WDR76: variants seen among roughly 807,000 people sequenced by gnomAD.
WDR76 encodes WD repeat domain 76.
In WDR76, 52 loss-of-function variants were observed where a neutral mutation model predicts 70.2. The observed-to-expected ratio is 0.74, with a 90% CI of 0.59 to 0.93. WDR76 has a LOEUF of 0.93. Ranked by LOEUF, WDR76 falls within the 40% of genes least tolerant of loss-of-function variation. The pLI is 0.00. For missense variants in WDR76, 756 were observed against 760.2 expected, an observed-to-expected ratio of 0.99 and a Z score of 0.07; for synonymous variants, 292 against 271.1, an observed-to-expected ratio of 1.08 and a Z score of -0.76.
chr15:43,844,821 G>A (rs1175793778), intron 8 of WDR76, among the ~76,000 whole-genome samples: 1 of 147,016 alleles, frequency 6.8e-6, no homozygotes, highest in African/African-American at 2.5e-5. Flanking sequence ...CCAGCTACTC[G>A]GGAGGCTGAA....
chr15:43,835,022 T>A (rs575070179), intron 2 of WDR76, 39 bp from the exon 3 acceptor site: 8 of 1,555,242 alleles, frequency 5.1e-6, no homozygotes, highest in African/African-American at 1.4e-5. Context: ...TCCTGTAGAT[T>A]ATATAAAGTA....
chr15:43,846,896 C>A (rs1376308208), intron 8 of WDR76, among the ~76,000 whole-genome samples: 3 of 151,866 alleles, frequency 2.0e-5, no homozygotes, highest in Non-Finnish European at 4.4e-5. Context: ...GTGGCACATG[C>A]CTGTAATCCC....
chr15:43,864,600 CTT>C (rs929231455), intron 12 of WDR76, among the ~76,000 whole-genome samples: 4 of 145,250 alleles, frequency 2.8e-5, no homozygotes, highest in African/African-American at 2.5e-5. Flanking sequence ...TATTTGTTTT[CTT>C]TTTTTTTTTT....
At chr15:43,827,878 G>A in intron 1 of WDR76, 87 bp from the exon 2 acceptor site, 1 of 1,333,854 alleles carries the variant, frequency 7.5e-7, no homozygotes. Flanking sequence ...TGGGAAATGG[G>A]AATTATTAGA....
intron 7 of WDR76, among the ~76,000 whole-genome samples, chr15:43,843,206 A>C (rs2087748349): frequency 1.3e-5 from 2 of 151,718 alleles, no homozygotes; most frequent in Admixed American, 1.3e-4. Context: ...GTATTTGTAG[A>C]GATGAGATTT....
chr15:43,835,167 T>G lies in WDR76; in HGVS notation c.552+17T>G, dbSNP rs1336885788. On this transcript the variant is annotated intron_variant, in intron 3 of 12. Transcript: ENST00000263795. ...TTGTCTGAGGTTTGTGTGGAGTCTA[T>G]TTAAAAGCAAGATGCAGGGCCGGGA... is the stretch of plus-strand genomic sequence containing the variant. 6.2e-7 allele frequency: 1 copy of G among 1,612,720 alleles called. No homozygotes were observed. The highest frequency in any genetic ancestry group is 2.2e-5 in the East Asian group (1 of 44,852).
intron 8 of WDR76, among the ~76,000 whole-genome samples, chr15:43,848,697 T>C (rs2087818512): frequency 6.6e-6 from 1 of 152,038 alleles, no homozygotes; most frequent in African/African-American, 2.4e-5. Flanking sequence ...TCCCAACACT[T>C]TGGGAGGCTG....
chr15:43,860,484 A>G (rs2087981966), intron 11 of WDR76, among the ~76,000 whole-genome samples: 1 of 152,144 alleles, frequency 6.6e-6, no homozygotes, highest in Non-Finnish European at 1.5e-5. Context: ...CTATTCATTT[A>G]TCATTATTGA....
At chr15:43,848,225 G>C (rs575764456) in intron 8 of WDR76, among the ~76,000 whole-genome samples, 122 of 152,202 alleles carry the variant, frequency 8.0e-4, no homozygotes, top group Non-Finnish European at 1.3e-3. Flanking sequence ...GATTGACAGA[G>C]TGAGACCCTA....
In WDR76 at chr15:43,856,951, T is replaced by C. The variant is rs1246501296; in HGVS notation, c.1197T>C (p.Tyr399=). ...ATTGTTACTTATATTCTTAGGTGTA[T>C]AGAAATGAAAGAAGTAGCTTTTCCT... ...DFSRAIFEEV[Y]RNERSSFSSF... Residue 399 remains tyrosine, a synonymous_variant, in exon 10 of 13, where the codon TAT becomes TAC. Coordinates refer to ENST00000263795, the MANE Select transcript of WDR76 (RefSeq NM_024908.4). 6.2e-7 allele frequency: 1 copy of C among 1,613,528 alleles called. No individual in the cohort carries two copies. The highest frequency in any genetic ancestry group is 8.5e-7 in the Non-Finnish European group (1 of 1,179,634).
intron 2 of WDR76, among the ~76,000 whole-genome samples, chr15:43,831,832 A>C (rs2087593427): frequency 6.6e-6 from 1 of 151,894 alleles, no homozygotes; most frequent in African/African-American, 2.4e-5. Flanking sequence ...ATATCAGAGA[A>C]ATTTTTTTGT....
chr15:43,842,346 C>G, intron 5 of WDR76, 69 bp from the exon 6 acceptor site: 1 of 1,385,850 alleles, frequency 7.2e-7, no homozygotes, highest in Non-Finnish European at 1.0e-6. Context: ...AGACAAATAC[C>G]CTTGCCCTCC....
rs2087657584 is a variant in WDR76, at chr15:43,836,451, GCTA to G, written c.608+239_608+241del. On this transcript the variant is annotated intron_variant, in intron 4 of 12. Coordinates refer to ENST00000263795, the MANE Select transcript of WDR76 (RefSeq NM_024908.4). ...CTGAATTTTGTTTATATTTATTGTT[GCTA>G]CTAATGAAGGGAAATCTTTATTTCC... Among the ~76,000 whole-genome samples the G allele has an allele frequency of 2.0e-5, 3 of 152,214 alleles. No individual in the cohort carries two copies. The Middle Eastern group carries it at 0.01, about 518-fold the overall frequency.
At chr15:43,832,573 G>C (rs2087602998) in intron 2 of WDR76, among the ~76,000 whole-genome samples, 1 of 151,902 alleles carries the variant, frequency 6.6e-6, no homozygotes, top group South Asian at 2.1e-4. Flanking sequence ...AGCTTCCTGA[G>C]TAGCTAGGAC....
At position 43,828,278 on chromosome 15, in the gene WDR76, C is replaced by G; in HGVS notation, c.374C>G (p.Pro125Arg). Residue 125 changes from proline to arginine, a missense_variant, in exon 2 of 13, where the codon CCC becomes CGC. Pro to Arg is a moderately radical substitution (Grantham distance 103). Transcript: ENST00000263795. ...AVHTESNKLQ[P>R]KRTADAMNLS... ...CATACTGAAAGTAACAAGCTACAAC[C>G]CAAGAGAACGGCAGATGCGATGAAT... 6.2e-7 allele frequency: 1 copy of G among 1,614,072 alleles called. No individual in the cohort carries two copies. The highest frequency in any genetic ancestry group is 8.5e-7 in the Non-Finnish European group (1 of 1,180,028).
chr15:43,848,335 T>G (rs1258431359), intron 8 of WDR76, among the ~76,000 whole-genome samples: 1 of 152,206 alleles, frequency 6.6e-6, no homozygotes, highest in African/African-American at 2.4e-5. Flanking sequence ...GAAACAAATC[T>G]GTAGCAGAGC....
intron 9 of WDR76, among the ~76,000 whole-genome samples, chr15:43,852,091 G>C (rs753543640): frequency 6.6e-6 from 1 of 152,202 alleles, no homozygotes; most frequent in Non-Finnish European, 1.5e-5. Flanking sequence ...TCTACTTAAT[G>C]TTTAAAACAA....
intron 3 of WDR76, 114 bp from the exon 4 acceptor site, chr15:43,836,047 T>C: frequency 1.1e-6 from 1 of 878,646 alleles, no homozygotes; most frequent in Non-Finnish European, 1.6e-6. Context: ...ATCTTAAGGA[T>C]CTTTAGTTCC....
intron 5 of WDR76, among the ~76,000 whole-genome samples, chr15:43,841,201 GTTTTTTTTT>G (rs910565504): frequency 9.8e-6 from 1 of 102,272 alleles, no homozygotes; most frequent in Non-Finnish European, 2.0e-5. Flanking sequence ...TTGTTTTTTT[GTTTTTTTTT>G]TTTTTTTTTT....
Sources: gnomAD v4.1 joint callset for allele counts (sites outside exome capture counted in the v4.1 genomes callset) on GRCh38, gnomAD v4.1.1 for gene constraint, MANE v1.5 for transcripts, NCBI Gene and HGNC (gene_info 2026-07-23, HGNC 2026-07-21) for gene names.